TRIQK: variants seen among roughly 807,000 people sequenced by gnomAD.
The protein encoded by TRIQK is triple QxxK/R motif containing.
TRIQK carries 10 observed loss-of-function variants against 10.8 expected under a neutral mutation model. The ratio of observed to expected loss-of-function variants is 0.92; its 90% CI spans 0.57 to 1.57. TRIQK has a LOEUF of 1.57. Among genes scored for constraint, TRIQK ranks in the 40% most tolerant of loss-of-function variants. TRIQK has a pLI of 0.00. For missense variants in TRIQK, 107 were observed against 97.7 expected (o/e 1.09, Z -0.40); for synonymous variants, 33 against 33.7 (o/e 0.98, Z 0.07).
intron 3 of TRIQK, among the ~76,000 whole-genome samples, chr8:92,893,470 G>C (rs1029095734): frequency 2.0e-5 from 3 of 151,926 alleles, no homozygotes; most frequent in African/African-American, 7.2e-5. Flanking sequence ...GATGGGGTCT[G>C]ATGATCTAGA....
At chr8:93,013,236 G>C (rs1257041001) in intron 1 of TRIQK, among the ~76,000 whole-genome samples, 1 of 152,056 alleles carries the variant, frequency 6.6e-6, no homozygotes, top group African/African-American at 2.4e-5. Flanking sequence ...ATGCTGATTC[G>C]ATAAGCTTTT....
chr8:92,967,597 G>C (rs1165532594), upstream of TRIQK, among the ~76,000 whole-genome samples: 1 of 151,906 alleles, frequency 6.6e-6, no homozygotes, highest in Non-Finnish European at 1.5e-5. Flanking sequence ...TGAGGTGGAC[G>C]GATTGCCTGA....
At chr8:92,906,349 C>A (rs539206857) in intron 3 of TRIQK, among the ~76,000 whole-genome samples, 49 of 152,148 alleles carry the variant, frequency 3.2e-4, no homozygotes, top group African/African-American at 8.4e-4. Context: ...TCATACATAG[C>A]GCATGCCTAA....
chr8:92,968,862 A>G (rs533211617), upstream of TRIQK, among the ~76,000 whole-genome samples: 1 of 152,268 alleles, frequency 6.6e-6, no homozygotes, highest in South Asian at 2.1e-4. Flanking sequence ...AATTTTAGTT[A>G]TAAGTCTCTG....
At chr8:92,989,622 A>G (rs1254568513) in intron 1 of TRIQK, among the ~76,000 whole-genome samples, 1 of 152,222 alleles carries the variant, frequency 6.6e-6, no homozygotes, top group East Asian at 1.9e-4. Flanking sequence ...AAACAAGCTC[A>G]GGGCTCCCAC....
intron 3 of TRIQK, among the ~76,000 whole-genome samples, chr8:92,906,184 A>G (rs1004854916): frequency 6.6e-6 from 1 of 152,136 alleles, no homozygotes; most frequent in African/African-American, 2.4e-5. Flanking sequence ...AACCTAAAGA[A>G]AAGATACGAT....
At chr8:92,978,730 T>C (rs2130742367) in intron 1 of TRIQK, among the ~76,000 whole-genome samples, 1 of 152,238 alleles carries the variant, frequency 6.6e-6, no homozygotes, top group East Asian at 1.9e-4. Context: ...GTGACAGGAA[T>C]GAACATATTT....
chr8:92,944,567 A>G (rs1360743923), intron 2 of TRIQK, among the ~76,000 whole-genome samples: 2 of 152,214 alleles, frequency 1.3e-5, no homozygotes, highest in Non-Finnish European at 2.9e-5. Flanking sequence ...GGCAACATAG[A>G]TAAATCTTGA....
chr8:92,955,269 T>C (rs1812111140), intron 1 of TRIQK, among the ~76,000 whole-genome samples: 1 of 151,784 alleles, frequency 6.6e-6, no homozygotes, highest in Admixed American at 6.6e-5. Flanking sequence ...TTACTAATTC[T>C]AATGAGATAA....
chr8:92,982,358 A>G (rs1297007086), intron 1 of TRIQK, among the ~76,000 whole-genome samples: 3 of 151,984 alleles, frequency 2.0e-5, no homozygotes, highest in Non-Finnish European at 2.9e-5. Context: ...CAATAGAAAT[A>G]AAGATTTATG....
At chr8:92,936,844 G>T (rs555662452) in intron 2 of TRIQK, among the ~76,000 whole-genome samples, 2 of 151,758 alleles carry the variant, frequency 1.3e-5, no homozygotes, top group African/African-American at 2.4e-5. Context: ...TTCTAATTTA[G>T]TATAGCAACA....
intron 1 of TRIQK, among the ~76,000 whole-genome samples, chr8:92,992,719 A>C (rs1473383468): frequency 6.6e-6 from 1 of 152,156 alleles, no homozygotes; most frequent in African/African-American, 2.4e-5. Context: ...GACCATGAAG[A>C]CAGACTCCTC....
intron 2 of TRIQK, among the ~76,000 whole-genome samples, chr8:92,940,494 A>G (rs995907611): frequency 2.6e-4 from 39 of 152,194 alleles, no homozygotes; most frequent in African/African-American, 8.7e-4. Context: ...ATCAAATAAA[A>G]TAGACTTTAA....
intron 4 of TRIQK, 23 bp from the exon 5 acceptor site, chr8:92,886,758 C>G (rs1159266373): frequency 7.6e-7 from 1 of 1,316,878 alleles, no homozygotes; most frequent in Non-Finnish European, 1.1e-6. Context: ...AAAAAGTAGA[C>G]TTGAAATTGA....
chr8:92,985,469 A>C (rs1813022337), intron 1 of TRIQK, among the ~76,000 whole-genome samples: 2 of 152,166 alleles, frequency 1.3e-5, no homozygotes, highest in Non-Finnish European at 2.9e-5. Flanking sequence ...AAATTAATGA[A>C]CATATCTATT....
At chr8:92,977,184 T>C (rs1004215274) in intron 1 of TRIQK, among the ~76,000 whole-genome samples, 2 of 152,062 alleles carry the variant, frequency 1.3e-5, no homozygotes. Flanking sequence ...TGATGAAGTC[T>C]TTCACCTTTT....
chr8:92,946,116 C>A (rs915477410), intron 2 of TRIQK, among the ~76,000 whole-genome samples: 1 of 151,978 alleles, frequency 6.6e-6, no homozygotes, highest in African/African-American at 2.4e-5. Context: ...AATTATTTCT[C>A]AAGTGTGATA....
At position 92,926,746 on chromosome 8, in the gene TRIQK, G is replaced by A. The variant is rs139493904; in HGVS notation, c.-21-9736C>T. Among the ~76,000 whole-genome samples, 132 of 152,208 alleles carry A rather than the reference G, an allele frequency of 8.7e-4. 1 individual carries two copies. The East Asian group carries it at 0.021, about 24-fold the overall frequency. On this transcript the variant is annotated intron_variant, in intron 2 of 4. Coordinates refer to ENST00000521988, the MANE Select transcript of TRIQK (RefSeq NM_001171797.2). ...TGAGGTCTGGTAACCAAAAGTAGAG[G>A]GATATCTATGCAGTAGCTCTGTTTT...
intron 1 of TRIQK, among the ~76,000 whole-genome samples, chr8:92,994,658 C>T (rs902429391): frequency 7.2e-5 from 11 of 151,770 alleles, no homozygotes; most frequent in African/African-American, 2.7e-4. Context: ...AAGTCCTGGT[C>T]CTTCTCTTTC....
Sources: allele counts gnomAD v4.1 joint callset (sites outside exome capture counted in the v4.1 genomes callset), GRCh38; gene constraint gnomAD v4.1.1; transcripts MANE v1.5; gene names NCBI Gene and HGNC (gene_info 2026-07-23, HGNC 2026-07-21).